The following LMNB1 variants were observed in gnomAD, a reference collection of about 807,000 sequenced individuals.
The protein encoded by LMNB1 is lamin B1.
Under a neutral mutation model 67.1 loss-of-function variants are expected in LMNB1, and 23 were observed. The observed-to-expected ratio is 0.34, with a 90% CI of 0.25 to 0.49. The LOEUF (loss-of-function observed/expected upper bound fraction) is 0.49. LMNB1 is among the 20% of genes least tolerant of loss of function. The pLI, the probability that LMNB1 is intolerant of heterozygous loss-of-function variation, is 0.99. For synonymous variants in LMNB1, 281 were observed against 282.9 expected (o/e 0.99, Z 0.07); for missense variants, 634 against 746.5 (o/e 0.85, Z 1.76).
chr5:126,830,747 T>C (rs569931758), intron 9 of LMNB1, among the ~76,000 whole-genome samples: 1 of 152,318 alleles, frequency 6.6e-6, no homozygotes, highest in South Asian at 2.1e-4. Context: ...TGTGGTAATT[T>C]TGTTATAGAA....
chr5:126,789,028 T>C (rs960111969), intron 1 of LMNB1, among the ~76,000 whole-genome samples: 2 of 151,974 alleles, frequency 1.3e-5, no homozygotes, highest in African/African-American at 4.8e-5. Flanking sequence ...CTGGAGTAGC[T>C]GGGACTACAG....
At chr5:126,808,675 G>A (rs908313753) in intron 3 of LMNB1, among the ~76,000 whole-genome samples, 4 of 152,132 alleles carry the variant, frequency 2.6e-5, no homozygotes, top group African/African-American at 9.7e-5. Flanking sequence ...TCATGAAATA[G>A]ATGTGATCTC....
Position 126,818,972 on chromosome 5 carries a change from A to G in LMNB1, c.990A>G (p.Lys330=). 1 of 1,614,198 alleles carries G rather than the reference A, an allele frequency of 6.2e-7. No individual in the cohort carries two copies. The highest frequency in any genetic ancestry group is 1.1e-5 in the South Asian group (1 of 91,082). ...AAGAATTAGAGGACTTGCTTGCTAAAGAAAAAGACAACTCTCGTCGCATGC... is the reference window on the plus strand; with the variant it reads ...AAGAATTAGAGGACTTGCTTGCTAAGGAAAAAGACAACTCTCGTCGCATGC... ...RIQELEDLLA[K]EKDNSRRMLT... Residue 330 remains lysine (K), a synonymous_variant, in exon 6 of 11, where the codon AAA becomes AAG. Transcript: ENST00000261366.
intron 4 of LMNB1, among the ~76,000 whole-genome samples, chr5:126,811,111 ATCT>A (rs1751568493): frequency 1.3e-5 from 2 of 152,226 alleles, no homozygotes; most frequent in African/African-American, 2.4e-5. Flanking sequence ...AAAGTGAAAG[ATCT>A]TATTATAAGC....
chr5:126,810,416 C>A, intron 4 of LMNB1, 66 bp downstream of exon 4: 1 of 1,219,952 alleles, frequency 8.2e-7, no homozygotes, highest in Non-Finnish European at 1.2e-6. Context: ...CCATGATGAA[C>A]ATGGCTTTAT....
intron 1 of LMNB1, among the ~76,000 whole-genome samples, chr5:126,785,229 G>T (rs966372324): frequency 6.7e-6 from 1 of 150,162 alleles, no homozygotes; most frequent in African/African-American, 2.5e-5. Flanking sequence ...CTCGTGATCC[G>T]CCCGCCTTGG....
chr5:126,799,907 G>A (rs1751223374), intron 1 of LMNB1, among the ~76,000 whole-genome samples: 1 of 152,184 alleles, frequency 6.6e-6, no homozygotes, highest in Admixed American at 6.6e-5. Context: ...GCTGACTCTT[G>A]AGTTCTCTTC....
At position 126,836,661 on chromosome 5, in the gene LMNB1, C is replaced by T. The variant is rs145377246; in HGVS notation, c.*397C>T. 300 of 368,892 alleles carry T rather than the reference C, an allele frequency of 8.1e-4. No individual in the cohort carries two copies. Among genetic ancestry groups the T allele is most frequent in the African/African-American group, 6.1e-3 (291 of 47,972 alleles). The allele number at this position is 368,892 out of a possible 1,614,324, so 22.9% of individuals were successfully genotyped here. ...CTAGCAATCTCTTCATTATTCTCTG[C>T]TATATATAAAACGGTGCTGTGAGGG... On this transcript the variant is annotated 3_prime_UTR_variant, in exon 11 of 11. Coordinates refer to ENST00000261366, the MANE Select transcript of LMNB1 (RefSeq NM_005573.4).
In LMNB1 at chr5:126,811,773, C is replaced by T; in HGVS notation, c.814C>T (p.Leu272Phe). The part of the protein sequence containing the change: ...EELEQTYHAK[L>F]ENARLSSEMN... Reference sequence around the variant, plus strand: ...GACTATGCTTTGCTTCTTCTTTTAGCTTGAGAATGCCAGACTGTCATCAGA... The same window carrying T: ...GACTATGCTTTGCTTCTTCTTTTAGTTTGAGAATGCCAGACTGTCATCAGA... Residue 272 changes from leucine (L) to phenylalanine (F), a missense_variant and splice_region_variant, in exon 5 of 11, where the codon CTT becomes TTT. Physicochemically the swap from Leu to Phe is conservative, Grantham distance 22 (BLOSUM62 0). Transcript: ENST00000261366. The T allele has an allele frequency of 6.3e-7, 1 of 1,599,116 alleles. No individual in the cohort carries two copies. Among genetic ancestry groups the T allele is most frequent in the East Asian group, 2.2e-5 (1 of 44,626 alleles).
chr5:126,797,956 C>T (rs765981244), intron 1 of LMNB1, among the ~76,000 whole-genome samples: 3 of 152,100 alleles, frequency 2.0e-5, no homozygotes, highest in Non-Finnish European at 4.4e-5. Context: ...CGTAGTGGCA[C>T]ATGTGTATAC....
intron 4 of LMNB1, 89 bp downstream of exon 4, chr5:126,810,439 C>A (rs961792630): frequency 2.8e-6 from 3 of 1,076,864 alleles, no homozygotes; most frequent in East Asian, 2.6e-5. Context: ...TTATTTTGTT[C>A]TAGTTTTTAA....
chr5:126,835,471 G>A (rs944527429), intron 10 of LMNB1, among the ~76,000 whole-genome samples: 13 of 152,204 alleles, frequency 8.5e-5, no homozygotes, highest in South Asian at 2.1e-4. Context: ...ACTGCAGATG[G>A]CTTGGGATGT....
chr5:126,834,625 G>A (rs1580561875), intron 10 of LMNB1, among the ~76,000 whole-genome samples: 2 of 152,382 alleles, frequency 1.3e-5, no homozygotes, highest in East Asian at 1.9e-4. Context: ...GCTTACGCCT[G>A]TAATCCCAGC....
At chr5:126,828,535 G>A (rs62391742) in intron 9 of LMNB1, among the ~76,000 whole-genome samples, 13,270 of 151,418 alleles carry the variant, frequency 0.088, 609 homozygotes, top group Non-Finnish European at 0.11. Flanking sequence ...CTCAAACATT[G>A]AATAGTAGAT....
chr5:126,793,936 G>T (rs1428955529), intron 1 of LMNB1, among the ~76,000 whole-genome samples: 1 of 145,804 alleles, frequency 6.9e-6, no homozygotes, highest in East Asian at 2.1e-4. Context: ...TAGAGTTTTT[G>T]TGTAATTTTT....
intron 5 of LMNB1, among the ~76,000 whole-genome samples, chr5:126,817,198 T>C (rs997935021): frequency 4.6e-5 from 7 of 152,230 alleles, no homozygotes; most frequent in African/African-American, 1.7e-4. Context: ...ATTTGGCCAC[T>C]GGGAGTTCTG....
chr5:126,820,926 A>G lies in LMNB1; in HGVS notation c.1177A>G (p.Ser393Gly), dbSNP rs1561751604. 6.2e-7 allele frequency: 1 copy of G among 1,613,742 alleles called. No homozygotes were observed. The highest frequency in any genetic ancestry group is 8.5e-7 in the Non-Finnish European group (1 of 1,179,768). ...CCCATATAGGTTGAAGCTGTCTCCAAGCCCTTCTTCCCGTGTGACAGTATC... is the reference window on the plus strand; with the variant it reads ...CCCATATAGGTTGAAGCTGTCTCCAGGCCCTTCTTCCCGTGTGACAGTATC... ...GEEERLKLSP[S>G]PSSRVTVSRA... Residue 393 changes from serine (S) to glycine (G), a missense_variant, in exon 7 of 11, where the codon AGC (serine) becomes GGC (glycine). Coordinates refer to ENST00000261366, the MANE Select transcript of LMNB1 (RefSeq NM_005573.4).
chr5:126,787,533 TATATATA>T (rs1750829922), intron 1 of LMNB1, among the ~76,000 whole-genome samples: 1 of 100,218 alleles, frequency 1.0e-5, no homozygotes, highest in South Asian at 3.3e-4. Flanking sequence ...GGTATATATA[TATATATA>T]TATATATTTT....
intron 8 of LMNB1, among the ~76,000 whole-genome samples, chr5:126,824,318 A>C (rs1751937868): frequency 1.3e-5 from 2 of 152,250 alleles, no homozygotes; most frequent in Admixed American, 1.3e-4. Flanking sequence ...ACTATATTTT[A>C]TGAAACCCAA....
Sources: gnomAD v4.1 joint callset for allele counts (sites outside exome capture counted in the v4.1 genomes callset) on GRCh38, gnomAD v4.1.1 for gene constraint, MANE v1.5 for transcripts, NCBI Gene and HGNC (gene_info 2026-07-23, HGNC 2026-07-21) for gene names.